IGF1: variants seen among roughly 807,000 people sequenced by gnomAD.
The protein encoded by IGF1 is insulin-like growth factor 1.
IGF1 carries 4 observed loss-of-function variants against 13.8 expected under a neutral mutation model. The observed-to-expected ratio is 0.29, with a 90% CI of 0.14 to 0.66. The LOEUF (loss-of-function observed/expected upper bound fraction) is 0.66. Among genes scored for constraint, IGF1 ranks in the 30% least tolerant of loss-of-function variants. The pLI is 0.78. For synonymous variants in IGF1, 76 were observed against 72.6 expected, an observed-to-expected ratio of 1.05 and a Z score of -0.23; for missense variants, 124 against 188.5, an observed-to-expected ratio of 0.66 and a Z score of 2.00.
rs1345377910 is a variant in IGF1 at position 102,446,717 on chromosome 12, T to A, written c.221-27027A>T. ...TTTTGAAGGGTTTCTCATGTCTCTATCTCTTTCAGTTCTGCTCTGATCTTA... is the reference window on the plus strand; with the variant it reads ...TTTTGAAGGGTTTCTCATGTCTCTAACTCTTTCAGTTCTGCTCTGATCTTA... On this transcript the variant is annotated intron_variant, in intron 2 of 3. Coordinates refer to ENST00000337514, the MANE Select transcript of IGF1 (RefSeq NM_000618.5). Among the ~76,000 whole-genome samples, 5 of 152,336 alleles carry A rather than the reference T, an allele frequency of 3.3e-5. No individual in the cohort carries two copies. The South Asian group carries it at 1.0e-3, about 32-fold the overall frequency.
chr12:102,475,922 C>T, intron 1 of IGF1, 123 bp from the exon 2 acceptor site: 2 of 1,030,588 alleles, frequency 1.9e-6, no homozygotes, highest in Admixed American at 2.0e-5. Context: ...CTACCCAGCA[C>T]AGAAGCCAAT....
chr12:102,454,447 A>T (rs1879215310), intron 2 of IGF1, among the ~76,000 whole-genome samples: 1 of 152,216 alleles, frequency 6.6e-6, no homozygotes, highest in Non-Finnish European at 1.5e-5. Flanking sequence ...TGCTATTCCT[A>T]GATTTCCCTG....
chr12:102,456,089 C>A (rs1329333606), intron 2 of IGF1, among the ~76,000 whole-genome samples: 1 of 152,152 alleles, frequency 6.6e-6, no homozygotes, highest in Non-Finnish European at 1.5e-5. Flanking sequence ...GGTAAAACAT[C>A]TCCCTCACAG....
chr12:102,455,823 A>G (rs901414054), intron 2 of IGF1, among the ~76,000 whole-genome samples: 4 of 152,138 alleles, frequency 2.6e-5, no homozygotes, highest in African/African-American at 7.2e-5. Flanking sequence ...GGAAGTTGCC[A>G]TTTCTCTCTC....
chr12:102,455,658 A>C (rs1398360658), intron 2 of IGF1, among the ~76,000 whole-genome samples: 1 of 152,222 alleles, frequency 6.6e-6, no homozygotes, highest in Non-Finnish European at 1.5e-5. Flanking sequence ...AGCTGAAATC[A>C]AAAGCCTCCA....
chr12:102,444,020 T>C (rs1257190166), intron 2 of IGF1, among the ~76,000 whole-genome samples: 1 of 151,858 alleles, frequency 6.6e-6, no homozygotes, highest in Non-Finnish European at 1.5e-5. Context: ...AAAGATGGGG[T>C]TTCACCATGT....
chr12:102,471,927 A>G (rs1391616699), intron 2 of IGF1, among the ~76,000 whole-genome samples: 1 of 152,174 alleles, frequency 6.6e-6, no homozygotes, highest in Non-Finnish European at 1.5e-5. Context: ...GTCAAAAATT[A>G]TATCTATGGT....
chr12:102,449,291 A>G (rs1215784253), intron 2 of IGF1, among the ~76,000 whole-genome samples: 1 of 151,886 alleles, frequency 6.6e-6, no homozygotes, highest in East Asian at 1.9e-4. Context: ...AAACTAACAC[A>G]GGAACGGAAA....
At position 102,396,799 on chromosome 12, in the gene IGF1, T is replaced by G. The variant is rs1175261158; in HGVS notation, c.*5708A>C. 2 of 398,036 alleles carry G rather than the reference T, an allele frequency of 5.0e-6. No individual in the cohort carries two copies. Among genetic ancestry groups the G allele is most frequent in the South Asian group, 2.5e-4 (2 of 7,854 alleles). The allele number at this position is 398,036 out of a possible 1,614,324, so 24.7% of individuals were successfully genotyped here. A position where few individuals can be genotyped will look rare whatever the true frequency, so the allele number is the denominator to read the frequency against. ...GTTTTGTGTCCTCTCTTTTTTTTTTTTTACTTTAAAAAAGCTTGGATTTTT... is the reference window on the plus strand; with the variant it reads ...GTTTTGTGTCCTCTCTTTTTTTTTTGTTACTTTAAAAAAGCTTGGATTTTT... On this transcript the variant is annotated 3_prime_UTR_variant, in exon 4 of 4. Coordinates refer to ENST00000337514, the MANE Select transcript of IGF1 (RefSeq NM_000618.5).
At position 102,415,256 on chromosome 12, in the gene IGF1, TCATCCATCCATCCATCCATC is replaced by T. The variant is rs66536957; in HGVS notation, c.402+4233_402+4252del. 2.4e-4 allele frequency among the ~76,000 whole-genome samples: 36 copies of T among 148,552 alleles called. No individual in the cohort carries two copies. The East Asian group carries it at 4.2e-3, about 17-fold the overall frequency. On this transcript the variant is annotated intron_variant, in intron 3 of 3. Coordinates refer to ENST00000337514, the MANE Select transcript of IGF1 (RefSeq NM_000618.5). ...CTCATTTGTCCATCCAACCATCCAT[TCATCCATCCATCCATCCATC>T]CATCCATCCATCCATCCATCCATCC...
intron 2 of IGF1, 67 bp downstream of exon 2, chr12:102,475,576 C>T (rs1566009212): frequency 9.7e-6 from 15 of 1,552,262 alleles, no homozygotes; most frequent in Middle Eastern, 1.7e-4. Flanking sequence ...ACACTCCCTG[C>T]GGTTGTAAAT....
chr12:102,414,226 C>CAATCTCAAT (rs1874891130), intron 3 of IGF1, among the ~76,000 whole-genome samples: 1 of 152,090 alleles, frequency 6.6e-6, no homozygotes, highest in Non-Finnish European at 1.5e-5. Flanking sequence ...TACACACACA[C>CAATCTCAAT]AATCTCAATA....
chr12:102,417,025 G>C (rs1028250030), intron 3 of IGF1, among the ~76,000 whole-genome samples: 1 of 152,176 alleles, frequency 6.6e-6, no homozygotes, highest in African/African-American at 2.4e-5. Flanking sequence ...CCTACAAGCC[G>C]AGGGGAGGAG....
intron 2 of IGF1, among the ~76,000 whole-genome samples, chr12:102,420,085 G>T (rs1875569997): frequency 1.3e-5 from 2 of 152,184 alleles, no homozygotes. Context: ...GCTTTTATAA[G>T]CAGGACAGCT....
At chr12:102,448,861 C>A (rs1164031251) in intron 2 of IGF1, among the ~76,000 whole-genome samples, 1 of 151,980 alleles carries the variant, frequency 6.6e-6, no homozygotes, top group Non-Finnish European at 1.5e-5. Context: ...CCATCTCATG[C>A]CAGTTAGAAT....
Position 102,467,839 on chromosome 12 carries a change from C to T in IGF1, c.220+7804G>A, listed in dbSNP as rs372085554. On this transcript the variant is annotated intron_variant, in intron 2 of 3. Transcript: ENST00000337514. Reference sequence around the variant, plus strand: ...TGAGAAAAGAGAATCACAGTATCTTCTCCCTTTGTCACTAATTAGCTGTGT... The same window carrying T: ...TGAGAAAAGAGAATCACAGTATCTTTTCCCTTTGTCACTAATTAGCTGTGT... Among the ~76,000 whole-genome samples, 89 of 152,346 alleles carry T rather than the reference C, an allele frequency of 5.8e-4. 2 individuals are homozygous for T. The South Asian group carries it at 0.018, about 31-fold the overall frequency.
chr12:102,428,530 A>G (rs921236750), intron 2 of IGF1, among the ~76,000 whole-genome samples: 5 of 152,064 alleles, frequency 3.3e-5, no homozygotes, highest in Non-Finnish European at 7.4e-5. Context: ...CATTTGAAGC[A>G]GGTGATAGAA....
At chr12:102,420,254 G>T (rs1170468977) in intron 2 of IGF1, among the ~76,000 whole-genome samples, 1 of 152,188 alleles carries the variant, frequency 6.6e-6, no homozygotes, top group African/African-American at 2.4e-5. Context: ...GTAAGTCGTG[G>T]AGTCAAGATG....
rs578217606 is a variant in IGF1, at chr12:102,399,317, T to G, written c.*3190A>C. The G allele has an allele frequency of 6.5e-6, 1 of 152,672 alleles. No homozygotes were observed. Among genetic ancestry groups the G allele is most frequent in the Non-Finnish European group, 1.5e-5 (1 of 68,008 alleles). 9.5% of individuals were successfully genotyped at this position (152,672 alleles called of 1,614,324 possible). On this transcript the variant is annotated 3_prime_UTR_variant, in exon 4 of 4. Transcript: ENST00000337514. The stretch of plus-strand genomic sequence containing the variant: ...AGAAATTTGACCTAAGTATCCAGTA[T>G]GGTCAATTAAATTGGAAATAAGCCT...
Sources: gnomAD v4.1 joint callset for allele counts (sites outside exome capture counted in the v4.1 genomes callset) on GRCh38, gnomAD v4.1.1 for gene constraint, MANE v1.5 for transcripts, NCBI Gene and HGNC (gene_info 2026-07-23, HGNC 2026-07-21) for gene names.